Variants in CELSR1 observed in about 807,000 individuals in gnomAD.
CELSR1 encodes the protein cadherin EGF LAG seven-pass G-type receptor 1.
Under a neutral mutation model 249.1 loss-of-function variants are expected in CELSR1, and 110 were observed. The observed-to-expected ratio is 0.44, with a 90% CI of 0.38 to 0.52. The LOEUF is 0.52. CELSR1 is among the 20% of genes least tolerant of loss of function. The probability of loss-of-function intolerance (pLI) is 0.00; values close to 1 mark genes in which losing one functional copy is unlikely to be tolerated. For missense variants in CELSR1, 4,109 were observed against 4,296.4 expected (o/e 0.96, Z 1.22); for synonymous variants, 2,113 against 1,900.0 (o/e 1.11, Z -2.92).
At chr22:46,392,230 G>A (rs2079101365) in intron 14 of CELSR1, among the ~76,000 whole-genome samples, 8 of 152,372 alleles carry the variant, frequency 5.3e-5, no homozygotes, top group Admixed American at 5.2e-4. Context: ...TCAAGAGCTT[G>A]TACTTCGGGT....
rs777928882 is a variant in CELSR1, at chr22:46,380,929, G to A, written c.7115C>T (p.Thr2372Ile). The change falls in exon 22 of 35, where the codon ACC becomes ATC. Residue 2372 changes from threonine to isoleucine, a missense_variant. Thr to Ile is a moderately conservative substitution (Grantham distance 89). Transcript: ENST00000674500. The surrounding 1 kb of genome is among the most constrained non-coding windows in gnomAD (Gnocchi z 5.1). ...GTACACCAGCGTGCTCACCATCGGG[G>A]TATTAATGATGGGCCGGTGAGGCAA... ...LRLPHRPIIN[T>I]PMVSTLVYSE... 1 of 1,613,526 alleles carries A rather than the reference G, an allele frequency of 6.2e-7. No individual in the cohort carries two copies. Among genetic ancestry groups the A allele is most frequent in the Non-Finnish European group, 8.5e-7 (1 of 1,179,818 alleles).
Position 46,527,670 on chromosome 22 carries a change from A to G in CELSR1, c.3544+5957T>C, listed in dbSNP as rs1488173169. On this transcript the variant is annotated intron_variant, in intron 1 of 34. Coordinates refer to ENST00000674500, the MANE Select transcript of CELSR1 (RefSeq NM_001378328.1). This position sits in a 1 kb window ranked among gnomAD's most constrained non-coding sequence, Gnocchi z 5.5. ...CTTATTTCTGAGGCAGTGTTTCTCA[A>G]GGTATGAGCAAGCCACTGTCTCCAG... Among the ~76,000 whole-genome samples, 1 of 152,206 alleles carries G rather than the reference A, an allele frequency of 6.6e-6. No individual in the cohort carries two copies. Among genetic ancestry groups the G allele is most frequent in the Non-Finnish European group, 1.5e-5 (1 of 68,036 alleles).
Position 46,369,797 on chromosome 22 carries a change from C to T in CELSR1, c.7767G>A (p.Ala2589=), listed in dbSNP as rs777063463. ...CGTAGCCCTGGGGGTCCAGGCCGAC[C>T]GCCAGTCCTGAACACAGCGGGGAGG... The part of the protein sequence containing the change: ...WGIPAIVTGL[A]VGLDPQGYGN... The change falls in exon 26 of 35, where the codon GCG becomes GCA. Residue 2589 remains alanine, a synonymous_variant. Transcript: ENST00000674500. The T allele has an allele frequency of 2.5e-5, 41 of 1,612,858 alleles. 1 individual carries two copies. The South Asian group carries it at 2.9e-4, about 11-fold the overall frequency.
At chr22:46,414,498 C>T (rs1037757212) in intron 5 of CELSR1, among the ~76,000 whole-genome samples, 1 of 151,962 alleles carries the variant, frequency 6.6e-6, no homozygotes, top group Non-Finnish European at 1.5e-5. Flanking sequence ...TTAAAATGCC[C>T]GCCTCTCGGC....
At position 46,468,010 on chromosome 22, in the gene CELSR1, C is replaced by T. The variant is rs139285428; in HGVS notation, c.3545-3665G>A. ...GTAACAAAAGAAAAAGATGAGTCAA[C>T]CACACCTATGTTCATAGCAGCGCTA... On this transcript the variant is annotated intron_variant, in intron 1 of 34. Transcript: ENST00000674500. This position sits in a 1 kb window ranked among gnomAD's most constrained non-coding sequence, Gnocchi z 4.5. 5.0e-3 allele frequency among the ~76,000 whole-genome samples: 756 copies of T among 152,172 alleles called. 8 individuals carry two copies. The highest frequency in any genetic ancestry group is 0.017 in the African/African-American group (719 of 41,532).
chr22:46,496,297 G>A (rs2080413108), intron 1 of CELSR1, among the ~76,000 whole-genome samples: 1 of 151,968 alleles, frequency 6.6e-6, no homozygotes, highest in South Asian at 2.1e-4. Flanking sequence ...GCCAAGCACA[G>A]TGGCTCACGC....
rs753047890 is a variant in CELSR1 at position 46,394,160 on chromosome 22, G to A, written c.5946C>T (p.Asn1982=). The A allele has an allele frequency of 9.9e-6, 16 of 1,613,876 alleles. No homozygotes were observed. The highest frequency in any genetic ancestry group is 6.6e-5 in the South Asian group (6 of 91,074). Residue 1982 remains asparagine (N), a synonymous_variant, in exon 14 of 35, where the codon AAC becomes AAT. Transcript: ENST00000674500. ...GCCTCACCTTGCATTGGCACTGGCC[G>A]TTGGTCTTATTACAGTCGGGATCAA... is the stretch of plus-strand genomic sequence containing the variant. ...KGFDPDCNKT[N]GQCQCKENYY... is the part of the protein sequence containing the mutation.
intron 1 of CELSR1, among the ~76,000 whole-genome samples, chr22:46,495,573 C>T (rs185711793): frequency 3.6e-4 from 55 of 151,946 alleles, no homozygotes; most frequent in Middle Eastern, 3.4e-3. Context: ...CAGTGGCTCA[C>T]GCCTGTAATC....
In CELSR1 at chr22:46,448,677, CAA is replaced by C. The variant is rs773513893; in HGVS notation, c.4184-9268_4184-9267del. 4.6e-5 allele frequency: 16 copies of C among 348,022 alleles called. No homozygotes were observed. The highest frequency in any genetic ancestry group is 8.7e-5 in the African/African-American group (4 of 46,228). 21.6% of individuals were successfully genotyped at this position (348,022 alleles called of 1,614,324 possible). The stretch of plus-strand genomic sequence containing the variant: ...CAGAATTAACGATCAAAATGAAACA[CAA>C]GAACAGAGAACAAGGAGTGAGTGGA... On this transcript the variant is annotated intron_variant, in intron 2 of 34. Transcript: ENST00000674500. This position sits in a 1 kb window ranked among gnomAD's most constrained non-coding sequence, Gnocchi z 5.7.
intron 1 of CELSR1, among the ~76,000 whole-genome samples, chr22:46,469,807 C>G (rs998142241): frequency 6.7e-6 from 1 of 149,654 alleles, no homozygotes; most frequent in Non-Finnish European, 1.5e-5. Flanking sequence ...AACCACCGCA[C>G]CCGGCCTAGG....
In CELSR1 at chr22:46,517,099, C is replaced by G. The variant is rs190141079; in HGVS notation, c.3544+16528G>C. Among the ~76,000 whole-genome samples the G allele has an allele frequency of 4.4e-3, 667 of 152,358 alleles. 6 individuals carry two copies. The highest frequency in any genetic ancestry group is 0.014 in the Middle Eastern group (4 of 294). On this transcript the variant is annotated intron_variant, in intron 1 of 34. Coordinates refer to ENST00000674500, the MANE Select transcript of CELSR1 (RefSeq NM_001378328.1). The surrounding 1 kb of genome is among the most constrained non-coding windows in gnomAD (Gnocchi z 5.4). The stretch of plus-strand genomic sequence containing the variant: ...TCTGGCTCTGGCCAGGGCAGGTTCT[C>G]ACCCCAATGGATCATTCCCCTGAGG...
Position 46,490,318 on chromosome 22 carries a change from G to A in CELSR1, c.3545-25973C>T, listed in dbSNP as rs12166957. Among the ~76,000 whole-genome samples, 766 of 152,096 alleles carry A rather than the reference G, an allele frequency of 5.0e-3. 5 individuals carry two copies. Among genetic ancestry groups the A allele is most frequent in the African/African-American group, 0.013 (537 of 41,490 alleles). Reference sequence around the variant, plus strand: ...ATTTTTATTTTTGAGACAGAGTCTCGCTCTGCCACCCAGGCTGGAGTACAG... The same window carrying A: ...ATTTTTATTTTTGAGACAGAGTCTCACTCTGCCACCCAGGCTGGAGTACAG... On this transcript the variant is annotated intron_variant, in intron 1 of 34. Transcript: ENST00000674500. This position sits in a 1 kb window ranked among gnomAD's most constrained non-coding sequence, Gnocchi z 5.2.
intron 5 of CELSR1, among the ~76,000 whole-genome samples, chr22:46,414,412 G>A (rs1215944669): frequency 1.3e-5 from 2 of 152,252 alleles, no homozygotes; most frequent in Non-Finnish European, 2.9e-5. Flanking sequence ...CCTGCTGCTC[G>A]GAGGAGAAAT....
In CELSR1 at chr22:46,534,852, C is replaced by T. The variant is rs368386017; in HGVS notation, c.2319G>A (p.Ala773=). 9.3e-6 allele frequency: 15 copies of T among 1,612,772 alleles called. No homozygotes were observed. The African/African-American group carries it at 1.7e-4, about 19-fold the overall frequency. ...CATCAGTGACGTTGATTAGGACATG[C>T]GCAGTGTGCGACCGTGTGCCGTCGG... ...TASDGTRSHT[A]HVLINVTDAN... Residue 773 remains alanine (A), a synonymous_variant, in exon 1 of 35, where the codon GCG becomes GCA. Coordinates refer to ENST00000674500, the MANE Select transcript of CELSR1 (RefSeq NM_001378328.1). The surrounding 1 kb of genome is among the most constrained non-coding windows in gnomAD (Gnocchi z 9.7).
At chr22:46,525,697 G>C (rs1018330095) in intron 1 of CELSR1, among the ~76,000 whole-genome samples, 39 of 152,234 alleles carry the variant, frequency 2.6e-4, no homozygotes, top group Admixed American at 2.6e-3. Flanking sequence ...GCAGGGATGA[G>C]CCCCGTGGCA....
At chr22:46,483,385 C>CTTTTTTTTTTTT (rs10647586) in intron 1 of CELSR1, among the ~76,000 whole-genome samples, 1 of 81,214 alleles carries the variant, frequency 1.2e-5, no homozygotes, top group Non-Finnish European at 2.2e-5. Context: ...CTATTCCTGA[C>CTTTTTTTTTTTT]TTTTTTTTTT....
At chr22:46,505,261 C>CAA (rs3081585) in intron 1 of CELSR1, among the ~76,000 whole-genome samples, 1,773 of 62,496 alleles carry the variant, frequency 0.028, 151 homozygotes, top group East Asian at 0.03. Flanking sequence ...GACTCTGTCT[C>CAA]AAAAAAAAAA....
At chr22:46,387,380 T>A (rs1290581478) in intron 18 of CELSR1, among the ~76,000 whole-genome samples, 1 of 152,214 alleles carries the variant, frequency 6.6e-6, no homozygotes, top group East Asian at 1.9e-4. Context: ...TTTGTTTGTT[T>A]GTTTTGTTTT....
chr22:46,482,009 G>C (rs955589891), intron 1 of CELSR1, among the ~76,000 whole-genome samples: 1 of 152,152 alleles, frequency 6.6e-6, no homozygotes, highest in African/African-American at 2.4e-5. Flanking sequence ...CTGAGCTCAG[G>C]TGATCCACCA....
Sources: allele counts gnomAD v4.1 joint callset (sites outside exome capture counted in the v4.1 genomes callset), GRCh38; gene constraint gnomAD v4.1.1; non-coding constraint Gnocchi (gnomAD v3.1); transcripts MANE v1.5; gene names NCBI Gene and HGNC (gene_info 2026-07-23, HGNC 2026-07-21).